Variants in SORCS3 observed in about 807,000 individuals in gnomAD.
The protein encoded by SORCS3 is sortilin related VPS10 domain containing receptor 3.
SORCS3 carries 57 observed loss-of-function variants against 146.3 expected under a neutral mutation model. The observed-to-expected ratio is 0.39, with a 90% confidence interval of 0.31 to 0.49. SORCS3 has a LOEUF of 0.49. Among genes scored for constraint, SORCS3 ranks in the 20% least tolerant of loss-of-function variants. The probability of loss-of-function intolerance (pLI) is 0.92; values close to 1 mark genes in which losing one functional copy is unlikely to be tolerated. For synonymous variants in SORCS3, 653 were observed against 618.5 expected (o/e 1.06, Z -0.83); for missense variants, 1,341 against 1,575.5 (o/e 0.85, Z 2.52).
chr10:104,668,738 C>A (rs1203136355), intron 1 of SORCS3, among the ~76,000 whole-genome samples: 1 of 152,118 alleles, frequency 6.6e-6, no homozygotes. Context: ...TAGACTTTTT[C>A]AAGTTTGAAT....
chr10:105,127,113 C>T (rs374233341), intron 7 of SORCS3, among the ~76,000 whole-genome samples: 3 of 151,996 alleles, frequency 2.0e-5, no homozygotes, highest in South Asian at 4.1e-4. Context: ...ACATGATTAA[C>T]GTTCAAGGAA....
chr10:104,656,207 C>T (rs1018661524), intron 1 of SORCS3, among the ~76,000 whole-genome samples: 2 of 151,890 alleles, frequency 1.3e-5, no homozygotes, highest in Non-Finnish European at 2.9e-5. Flanking sequence ...GTGTTCTGGG[C>T]ATATGGCTTC....
intron 1 of SORCS3, among the ~76,000 whole-genome samples, chr10:104,828,191 T>A (rs2017959723): frequency 6.6e-6 from 1 of 152,208 alleles, no homozygotes; most frequent in Non-Finnish European, 1.5e-5. Flanking sequence ...GCTTTCAGTC[T>A]ATTTTGGCTT....
At chr10:105,177,106 G>A (rs565352581) in intron 13 of SORCS3, among the ~76,000 whole-genome samples, 1 of 152,092 alleles carries the variant, frequency 6.6e-6, no homozygotes, top group South Asian at 2.1e-4. Context: ...ATCTTGAGTT[G>A]AGATATTCAA....
chr10:105,100,014 C>G (rs1230859648), intron 6 of SORCS3, among the ~76,000 whole-genome samples: 2 of 152,136 alleles, frequency 1.3e-5, no homozygotes, highest in African/African-American at 2.4e-5. Context: ...TAAGGCAGCC[C>G]TTCTCACCAT....
chr10:104,873,727 C>T (rs973879625), intron 2 of SORCS3, among the ~76,000 whole-genome samples: 1 of 152,190 alleles, frequency 6.6e-6, no homozygotes, highest in African/African-American at 2.4e-5. Flanking sequence ...TGGCCTCATT[C>T]TGCTCTCCCA....
At chr10:105,238,525 CT>C (rs1399829059) in intron 20 of SORCS3, among the ~76,000 whole-genome samples, 1 of 152,016 alleles carries the variant, frequency 6.6e-6, no homozygotes, top group Non-Finnish European at 1.5e-5. Context: ...GGAGGTCAGG[CT>C]TTGGGGATGA....
intron 2 of SORCS3, among the ~76,000 whole-genome samples, chr10:104,870,970 C>T (rs1438003486): frequency 1.3e-5 from 2 of 152,272 alleles, no homozygotes; most frequent in South Asian, 4.1e-4. Context: ...TACAGCCACA[C>T]AAAGCACAGG....
chr10:104,675,824 T>C (rs2015906861), intron 1 of SORCS3, among the ~76,000 whole-genome samples: 2 of 152,240 alleles, frequency 1.3e-5, no homozygotes, highest in Admixed American at 6.5e-5. Context: ...TTTTCCTTCA[T>C]AATTGTCTTG....
intron 1 of SORCS3, among the ~76,000 whole-genome samples, chr10:104,661,566 G>A (rs1235066303): frequency 6.6e-6 from 1 of 152,112 alleles, no homozygotes; most frequent in Non-Finnish European, 1.5e-5. Context: ...TTTTTAAGAG[G>A]AGACTTGCTT....
At chr10:104,863,192 G>A (rs775855577) in intron 2 of SORCS3, among the ~76,000 whole-genome samples, 1 of 152,186 alleles carries the variant, frequency 6.6e-6, no homozygotes, top group Non-Finnish European at 1.5e-5. Context: ...TCAGCTGGAA[G>A]CTTTGAGTGG....
At chr10:105,144,394 G>A (rs1418762258) in intron 8 of SORCS3, among the ~76,000 whole-genome samples, 1 of 152,088 alleles carries the variant, frequency 6.6e-6, no homozygotes, top group African/African-American at 2.4e-5. Context: ...TCCGTTGTCT[G>A]ACACATGGCA....
intron 1 of SORCS3, among the ~76,000 whole-genome samples, chr10:104,736,988 T>C (rs1271027765): frequency 6.6e-6 from 1 of 152,092 alleles, no homozygotes; most frequent in Non-Finnish European, 1.5e-5. Flanking sequence ...TGTCCATGTG[T>C]TCTCATTGTT....
chr10:105,161,175 A>T (rs941645078), intron 11 of SORCS3, among the ~76,000 whole-genome samples: 1 of 152,152 alleles, frequency 6.6e-6, no homozygotes, highest in Non-Finnish European at 1.5e-5. Context: ...GCTTTTTGCC[A>T]TGCCCTGGAT....
rs183516159 is a variant in SORCS3 at position 105,259,589 on chromosome 10, C to T, written c.3443+2665C>T. Among the ~76,000 whole-genome samples the T allele has an allele frequency of 5.3e-5, 8 of 152,306 alleles. No individual in the cohort carries two copies. In the East Asian group the frequency reaches 1.5e-3, roughly 29 times the overall value. ...GATAGTGACTGCTATTTTCTTATAT[C>T]TCAAGTAATGTAATTAAAAATCATC... On this transcript the variant is annotated intron_variant, in intron 25 of 26. Transcript: ENST00000369701.
chr10:104,895,365 T>C (rs2018788203), intron 2 of SORCS3, among the ~76,000 whole-genome samples: 1 of 152,082 alleles, frequency 6.6e-6, no homozygotes, highest in South Asian at 2.1e-4. Context: ...CCCTTAAAGG[T>C]AGTGAGTGAT....
chr10:104,878,625 A>G (rs2018600077), intron 2 of SORCS3, among the ~76,000 whole-genome samples: 5 of 152,264 alleles, frequency 3.3e-5, no homozygotes, highest in Non-Finnish European at 1.5e-5. Context: ...GGTATTTTAT[A>G]TGATGAAATA....
chr10:105,195,975 A>G (rs2056541745), intron 14 of SORCS3, among the ~76,000 whole-genome samples: 1 of 152,222 alleles, frequency 6.6e-6, no homozygotes, highest in Non-Finnish European at 1.5e-5. Context: ...AACACAATAT[A>G]AGAAAATCTG....
At chr10:104,853,954 G>A (rs2018301830) in intron 2 of SORCS3, among the ~76,000 whole-genome samples, 1 of 152,154 alleles carries the variant, frequency 6.6e-6, no homozygotes, top group Non-Finnish European at 1.5e-5. Context: ...ACCCCATATT[G>A]GTGGATGATG....
Sources: gnomAD v4.1 joint callset for allele counts (sites outside exome capture counted in the v4.1 genomes callset) on GRCh38, gnomAD v4.1.1 for gene constraint, MANE v1.5 for transcripts, NCBI Gene and HGNC (gene_info 2026-07-23, HGNC 2026-07-21) for gene names.